OSBPL1A: variants seen among roughly 807,000 people sequenced by gnomAD.
The protein encoded by OSBPL1A is oxysterol-binding protein-related protein 1.
In OSBPL1A, 80 loss-of-function variants were observed where a neutral mutation model predicts 137.1. That is an observed-to-expected ratio of 0.58 (90% CI 0.49 to 0.70). The LOEUF (loss-of-function observed/expected upper bound fraction) is 0.70, where lower values mean the gene tolerates loss of function less well. OSBPL1A is among the 30% of genes least tolerant of loss of function. The probability of loss-of-function intolerance (pLI) is 0.00; values close to 1 mark genes in which losing one functional copy is unlikely to be tolerated. For synonymous variants in OSBPL1A, 365 were observed against 389.7 expected (o/e 0.94, Z 0.75); for missense variants, 970 against 1,129.4 (o/e 0.86, Z 2.02).
chr18:24,229,956 G>A lies in OSBPL1A; in HGVS notation c.1445-4758C>T, dbSNP rs553563284. On this transcript the variant is annotated intron_variant, in intron 16 of 27. Coordinates refer to ENST00000319481, the MANE Select transcript of OSBPL1A (RefSeq NM_080597.4). ...AGTAGTGACAGGTTTCACCATGTTGGCCAGGCTGGTCTTGAACTCCTGGCC... is the reference window on the plus strand; with the variant it reads ...AGTAGTGACAGGTTTCACCATGTTGACCAGGCTGGTCTTGAACTCCTGGCC... Among the ~76,000 whole-genome samples, 11 of 152,220 alleles carry A rather than the reference G, an allele frequency of 7.2e-5. No individual in the cohort carries two copies. In the South Asian group the frequency reaches 2.1e-3, roughly 29 times the overall value.
chr18:24,258,414 C>G (rs1172079386), intron 15 of OSBPL1A, among the ~76,000 whole-genome samples: 2 of 151,978 alleles, frequency 1.3e-5, no homozygotes, highest in Non-Finnish European at 2.9e-5. Context: ...GTGGGAATTA[C>G]AAATCAAAAC....
intron 19 of OSBPL1A, 22 bp from the exon 20 acceptor site, chr18:24,179,857 C>G: frequency 6.2e-7 from 1 of 1,601,454 alleles, no homozygotes; most frequent in Non-Finnish European, 8.6e-7. Context: ...AGCATGAGAA[C>G]AAGTCAAAAA....
intron 16 of OSBPL1A, among the ~76,000 whole-genome samples, chr18:24,226,164 T>C (rs916285896): frequency 2.0e-5 from 3 of 152,070 alleles, no homozygotes; most frequent in Non-Finnish European, 2.9e-5. Flanking sequence ...GACAACGCAT[T>C]TTTGTACACG....
Position 24,271,389 on chromosome 18 carries a change from G to T in OSBPL1A, c.1281+9453C>A. On this transcript the variant is annotated intron_variant, in intron 15 of 27. Coordinates refer to ENST00000319481, the MANE Select transcript of OSBPL1A (RefSeq NM_080597.4). This position sits in a 1 kb window ranked among gnomAD's most constrained non-coding sequence, Gnocchi z 4.0. ...TTTTCCCCAGGGGCTCTTCCTGCAGGAACCCCACGGCAGGGAGACCCGCAC... is the reference window on the plus strand; with the variant it reads ...TTTTCCCCAGGGGCTCTTCCTGCAGTAACCCCACGGCAGGGAGACCCGCAC... 4.9e-6 allele frequency: 1 copy of T among 205,468 alleles called. No individual in the cohort carries two copies. The highest frequency in any genetic ancestry group is 8.6e-6 in the Non-Finnish European group (1 of 116,760). The allele number at this position is 205,468 out of a possible 1,614,324, so 12.7% of individuals were successfully genotyped here.
chr18:24,345,406 G>T (rs2091330451), intron 4 of OSBPL1A, among the ~76,000 whole-genome samples: 2 of 152,224 alleles, frequency 1.3e-5, no homozygotes. Context: ...AAGTTGAAAG[G>T]CCAGGCACTG....
chr18:24,285,560 T>C (rs1200637890), intron 14 of OSBPL1A, among the ~76,000 whole-genome samples: 3 of 152,218 alleles, frequency 2.0e-5, no homozygotes, highest in Non-Finnish European at 4.4e-5. Flanking sequence ...ATTTCCATCA[T>C]TTGGGACAAG....
At chr18:24,278,014 A>G (rs1243167839) in intron 15 of OSBPL1A, among the ~76,000 whole-genome samples, 3 of 152,248 alleles carry the variant, frequency 2.0e-5, no homozygotes, top group South Asian at 2.1e-4. Context: ...ATCTACATAT[A>G]GTTGATGCCC....
intron 15 of OSBPL1A, among the ~76,000 whole-genome samples, chr18:24,256,455 T>C (rs2089277943): frequency 6.6e-6 from 1 of 151,980 alleles, no homozygotes; most frequent in South Asian, 2.1e-4. Flanking sequence ...AAAACTGGTA[T>C]AAAAGGAACA....
chr18:24,227,396 CATACATAAT>C (rs2088117965), intron 16 of OSBPL1A, among the ~76,000 whole-genome samples: 1 of 152,084 alleles, frequency 6.6e-6, no homozygotes, highest in African/African-American at 2.4e-5. Context: ...TTGTTTTTAA[CATACATAAT>C]GCTAAGACAA....
chr18:24,172,172 C>T (rs186676105), intron 22 of OSBPL1A, among the ~76,000 whole-genome samples: 118 of 152,238 alleles, frequency 7.8e-4, no homozygotes, highest in Middle Eastern at 3.4e-3. Flanking sequence ...AACTCCTGAC[C>T]TCGTGATCCA....
chr18:24,392,423 T>C (rs1907422998), intron 1 of OSBPL1A, among the ~76,000 whole-genome samples: 1 of 152,178 alleles, frequency 6.6e-6, no homozygotes, highest in South Asian at 2.1e-4. Context: ...CCTCCCATAG[T>C]GCTGAGATTA....
intron 4 of OSBPL1A, among the ~76,000 whole-genome samples, chr18:24,350,404 A>G (rs902249663): frequency 6.6e-6 from 1 of 152,200 alleles, no homozygotes; most frequent in African/African-American, 2.4e-5. Flanking sequence ...TTACAGAGAA[A>G]TAAACTAACT....
chr18:24,188,831 T>C (rs2086817929), intron 18 of OSBPL1A, among the ~76,000 whole-genome samples: 1 of 152,234 alleles, frequency 6.6e-6, no homozygotes, highest in Non-Finnish European at 1.5e-5. Context: ...GTGTATTTTA[T>C]TTCCTTCCCT....
intron 16 of OSBPL1A, among the ~76,000 whole-genome samples, chr18:24,236,793 G>C (rs1211450193): frequency 1.3e-5 from 2 of 152,176 alleles, no homozygotes; most frequent in East Asian, 3.8e-4. Flanking sequence ...ACTGGCACTT[G>C]AGATGAAATG....
At chr18:24,381,408 G>T (rs535489300) in intron 1 of OSBPL1A, among the ~76,000 whole-genome samples, 5 of 152,288 alleles carry the variant, frequency 3.3e-5, no homozygotes, top group Non-Finnish European at 5.9e-5. Context: ...ACAAGGAAGT[G>T]CACAGATGGA....
chr18:24,172,530 T>TA, intron 21 of OSBPL1A, 47 bp from the exon 22 acceptor site: 7 of 1,390,384 alleles, frequency 5.0e-6, no homozygotes, highest in African/African-American at 1.4e-5. Context: ...AGGTATCACT[T>TA]TGTTTAAAAA....
chr18:24,239,707 C>A (rs1459277613), intron 15 of OSBPL1A, among the ~76,000 whole-genome samples: 1 of 152,056 alleles, frequency 6.6e-6, no homozygotes, highest in African/African-American at 2.4e-5. Context: ...AAGAATATTT[C>A]TCTCTCAACA....
intron 14 of OSBPL1A, among the ~76,000 whole-genome samples, chr18:24,302,208 T>C (rs929365702): frequency 2.2e-5 from 3 of 139,422 alleles, no homozygotes; most frequent in Non-Finnish European, 4.5e-5. Context: ...CACTCCAGCC[T>C]GGGAGGCAGA....
intron 16 of OSBPL1A, among the ~76,000 whole-genome samples, chr18:24,226,747 G>C (rs775078531): frequency 3.9e-5 from 6 of 152,096 alleles, no homozygotes; most frequent in Non-Finnish European, 1.5e-5. Context: ...GGCTCTCAAC[G>C]CTGGACCCTA....
Sources: allele counts gnomAD v4.1 joint callset (sites outside exome capture counted in the v4.1 genomes callset), GRCh38; gene constraint gnomAD v4.1.1; non-coding constraint Gnocchi (gnomAD v3.1); transcripts MANE v1.5; gene names NCBI Gene and HGNC (gene_info 2026-07-23, HGNC 2026-07-21).